The following CBARP variants were observed in gnomAD, a reference collection of about 807,000 sequenced individuals.
CBARP encodes voltage-dependent calcium channel beta subunit-associated regulatory protein.
CBARP carries 24 observed loss-of-function variants against 36.3 expected under a neutral mutation model. That is an observed-to-expected ratio of 0.66 (90% CI 0.48 to 0.93). The LOEUF is 0.93. Ranked by LOEUF, CBARP falls within the 40% of genes least tolerant of loss-of-function variation. The probability of loss-of-function intolerance (pLI) is 0.00; values close to 1 mark genes in which losing one functional copy is unlikely to be tolerated. For missense variants in CBARP, 1,146 were observed against 980.4 expected, an observed-to-expected ratio of 1.17 and a Z score of -2.26; for synonymous variants, 586 against 453.2, an observed-to-expected ratio of 1.29 and a Z score of -3.72.
At position 1,229,514 on chromosome 19, in the gene CBARP, C is replaced by T. The variant is rs2080862005; in HGVS notation, c.1783G>A (p.Ala595Thr). Residue 595 changes from alanine (A) to threonine (T), a missense_variant, in exon 10 of 10, where the codon GCC becomes ACC. Coordinates refer to ENST00000650044, the MANE Select transcript of CBARP (RefSeq NM_001393918.1). This position sits in a 1 kb window ranked among gnomAD's most constrained non-coding sequence, Gnocchi z 5.1. Reference sequence around the variant, plus strand: ...GCCGGGGTTCCGGCCAGGGCCGGGGCCGCGCGGGCGCCGGGGTCGCTGTGC... The same window carrying T: ...GCCGGGGTTCCGGCCAGGGCCGGGGTCGCGCGGGCGCCGGGGTCGCTGTGC... ...RQHSDPGARAAPALAGTPAPP... is the reference protein window; with the variant it reads ...RQHSDPGARATPALAGTPAPP... The T allele has an allele frequency of 1.0e-6, 1 of 979,250 alleles. No individual in the cohort carries two copies. The highest frequency in any genetic ancestry group is 1.2e-6 in the Non-Finnish European group (1 of 827,810). The allele number at this position is 979,250 out of a possible 1,614,324, so 60.7% of individuals were successfully genotyped here.
rs2080843828 is a variant in CBARP at position 1,228,312 on chromosome 19, A to G, written c.*867T>C. ...TGTGCGGTCAATATTTATATCATCC[A>G]GAAAAGAAAAACACGAGAAACGCCA... On this transcript the variant is annotated 3_prime_UTR_variant, in exon 10 of 10. Coordinates refer to ENST00000650044, the MANE Select transcript of CBARP (RefSeq NM_001393918.1). 3.8e-6 allele frequency: 1 copy of G among 264,382 alleles called. No individual in the cohort carries two copies. The highest frequency in any genetic ancestry group is 6.8e-6 in the Non-Finnish European group (1 of 146,938). The allele number at this position is 264,382 out of a possible 1,614,324, so 16.4% of individuals were successfully genotyped here.
chr19:1,228,627 G>A lies in CBARP; in HGVS notation c.*552C>T, dbSNP rs1283481955. 1.3e-5 allele frequency: 2 copies of A among 159,066 alleles called. No individual in the cohort carries two copies. The highest frequency in any genetic ancestry group is 2.8e-5 in the Non-Finnish European group (2 of 72,490). The allele number at this position is 159,066 out of a possible 1,614,324, so 9.9% of individuals were successfully genotyped here. A position where few individuals can be genotyped will look rare whatever the true frequency, so the allele number is the denominator to read the frequency against. On this transcript the variant is annotated 3_prime_UTR_variant, in exon 10 of 10. Coordinates refer to ENST00000650044, the MANE Select transcript of CBARP (RefSeq NM_001393918.1). ...CGGGCTGCCGCCAGCACACGCCGCAGTGAGGTAAACGGTCTCGGAGGTCGG... is the reference window on the plus strand; with the variant it reads ...CGGGCTGCCGCCAGCACACGCCGCAATGAGGTAAACGGTCTCGGAGGTCGG...
rs112249323 is a variant in CBARP at position 1,229,091 on chromosome 19, G to A, written c.*88C>T. ...CCGCGGTCCCCGCGCATTCGCGTCG[G>A]GGCGTCGCGCCCCCACGTCTCTCCC... On this transcript the variant is annotated 3_prime_UTR_variant, in exon 10 of 10. Coordinates refer to ENST00000650044, the MANE Select transcript of CBARP (RefSeq NM_001393918.1). The surrounding 1 kb of genome is among the most constrained non-coding windows in gnomAD (Gnocchi z 5.1). 1 of 409,908 alleles carries A rather than the reference G, an allele frequency of 2.4e-6. No homozygotes were observed. Among genetic ancestry groups the A allele is most frequent in the Non-Finnish European group, 3.3e-6 (1 of 302,492 alleles). 25.4% of individuals were successfully genotyped at this position (409,908 alleles called of 1,614,324 possible).
At chr19:1,232,484 C>T (rs977694730) in intron 8 of CBARP, among the ~76,000 whole-genome samples, 1 of 152,190 alleles carries the variant, frequency 6.6e-6, no homozygotes, top group Non-Finnish European at 1.5e-5. Flanking sequence ...GCAGAGCGGG[C>T]CCCAGCCCCT....
chr19:1,238,441 C>G (rs2081005698), upstream of CBARP: 1 of 152,732 alleles, frequency 6.5e-6, no homozygotes. Flanking sequence ...CCATGCCTCT[C>G]CTGCCCCCTC....
chr19:1,230,351 C>T (rs2080873870), intron 9 of CBARP: 6 of 986,792 alleles, frequency 6.1e-6, no homozygotes, highest in East Asian at 1.1e-4. Flanking sequence ...GCTTATTAAG[C>T]AGGGTGCCTC....
At chr19:1,234,470 G>T (rs529829090) in intron 6 of CBARP, 101 bp downstream of exon 6, 7 of 1,438,378 alleles carry the variant, frequency 4.9e-6, no homozygotes, top group Non-Finnish European at 6.4e-6. Flanking sequence ...CCCGAGATGA[G>T]GGCCACCCAG....
intron 8 of CBARP, among the ~76,000 whole-genome samples, chr19:1,232,276 C>A (rs1441243631): frequency 2.0e-5 from 3 of 152,244 alleles, no homozygotes; most frequent in African/African-American, 7.2e-5. Flanking sequence ...CCAGAGGAGG[C>A]CTTCCCCTCC....
Position 1,231,283 on chromosome 19 carries a change from C to A in CBARP, c.980-8G>T, listed in dbSNP as rs545836096. ...GGTGCCGCTTGGGGGAACCTGCGCA[C>A]GGGATGTGCCGTAAGCGTCAGCCGG... On this transcript the variant is annotated splice_region_variant and splice_polypyrimidine_tract_variant and intron_variant, in intron 8 of 9. Transcript: ENST00000650044. The A allele has an allele frequency of 6.3e-7, 1 of 1,597,946 alleles. No homozygotes were observed. The highest frequency in any genetic ancestry group is 8.5e-7 in the Non-Finnish European group (1 of 1,178,404).
rs2080855343 is a variant in CBARP at position 1,229,104 on chromosome 19, C to T, written c.*75G>A. On this transcript the variant is annotated 3_prime_UTR_variant, in exon 10 of 10. Transcript: ENST00000650044. The surrounding 1 kb of genome is among the most constrained non-coding windows in gnomAD (Gnocchi z 5.1). ...GCATTCGCGTCGGGGCGTCGCGCCCCCACGTCTCTCCCGCCGCCGAGGCCC... is the reference window on the plus strand; with the variant it reads ...GCATTCGCGTCGGGGCGTCGCGCCCTCACGTCTCTCCCGCCGCCGAGGCCC... 1 of 545,024 alleles carries T rather than the reference C, an allele frequency of 1.8e-6. No homozygotes were observed. Among genetic ancestry groups the T allele is most frequent in the Non-Finnish European group, 2.4e-6 (1 of 422,034 alleles). The allele number at this position is 545,024 out of a possible 1,614,324, so 33.8% of individuals were successfully genotyped here.
rs776464732 is a variant in CBARP at position 1,229,989 on chromosome 19, G to A, written c.1308C>T (p.Asp436=). 5 of 1,229,832 alleles carry A rather than the reference G, an allele frequency of 4.1e-6. No homozygotes were observed. The highest frequency in any genetic ancestry group is 2.9e-5 in the Admixed American group (1 of 34,702). The allele number at this position is 1,229,832 out of a possible 1,614,324, so 76.2% of individuals were successfully genotyped here. The change falls in exon 10 of 10, where the codon GAC becomes GAT. Residue 436 remains aspartate, a synonymous_variant. Transcript: ENST00000650044. This position sits in a 1 kb window ranked among gnomAD's most constrained non-coding sequence, Gnocchi z 5.1. ...CAAGCGAGGCGCGCAGGCTCCACAG[G>A]TCGCGGTAGCTGGTCTGGGCCTGCT... ...GPEQAQTSYR[D]LWSLRASLEL... is the part of the protein sequence containing the mutation.
At chr19:1,233,717 GAGAC>G in intron 7 of CBARP, 81 bp from the exon 8 acceptor site, 1 of 1,350,454 alleles carries the variant, frequency 7.4e-7, no homozygotes, top group Non-Finnish European at 1.0e-6. Context: ...GTAGGTCTGA[GAGAC>G]AGTCCCAAGG....
chr19:1,236,225 G>A (rs1439156806), intron 1 of CBARP, 104 bp from the exon 2 acceptor site: 9 of 1,335,228 alleles, frequency 6.7e-6, no homozygotes, highest in East Asian at 3.0e-5. Flanking sequence ...CCCACACAGG[G>A]GGCAGTGACT....
chr19:1,230,562 A>G, intron 9 of CBARP: 1 of 1,100,670 alleles, frequency 9.1e-7, no homozygotes. Flanking sequence ...AACCAGCAGG[A>G]GGACAGTGCA....
At position 1,234,342 on chromosome 19, in the gene CBARP, G is replaced by T; in HGVS notation, c.628-11C>A. 1 of 1,442,806 alleles carries T rather than the reference G, an allele frequency of 6.9e-7. No individual in the cohort carries two copies. Among genetic ancestry groups the T allele is most frequent in the Non-Finnish European group, 9.1e-7 (1 of 1,096,586 alleles). The allele number at this position is 1,442,806 out of a possible 1,614,324, so 89.4% of individuals were successfully genotyped here. ...GGCCTTCCCCGGGGGCTGTGGGACAGAGCCAGGTGGGGGAGGAAGCAGTGA... is the reference window on the plus strand; with the variant it reads ...GGCCTTCCCCGGGGGCTGTGGGACATAGCCAGGTGGGGGAGGAAGCAGTGA... On this transcript the variant is annotated splice_polypyrimidine_tract_variant and intron_variant, in intron 6 of 9. Transcript: ENST00000650044.
In CBARP at chr19:1,229,564, C is replaced by A; in HGVS notation, c.1733G>T (p.Arg578Leu). 9.4e-7 allele frequency: 1 copy of A among 1,069,472 alleles called. No homozygotes were observed. The allele number at this position is 1,069,472 out of a possible 1,614,324, so 66.2% of individuals were successfully genotyped here. The stretch of plus-strand genomic sequence containing the variant: ...CTGCCGGCCACGCTGCCACTGTTTG[C>A]GGGCGTGCGGGTGCGCGCGGGCGCG... ...RHRARAHPHA[R>L]KQWQRGRQHS... is the part of the protein sequence containing the mutation. The change falls in exon 10 of 10, where the codon CGC (arginine) becomes CTC (leucine). Residue 578 changes from arginine to leucine, a missense_variant. Arg to Leu is a moderately radical substitution (Grantham distance 102). Transcript: ENST00000650044. The surrounding 1 kb of genome is among the most constrained non-coding windows in gnomAD (Gnocchi z 5.1).
chr19:1,228,740 C>T lies in CBARP; in HGVS notation c.*439G>A, dbSNP rs1169196602. The T allele has an allele frequency of 6.8e-6, 1 of 147,230 alleles. No individual in the cohort carries two copies. The highest frequency in any genetic ancestry group is 1.5e-5 in the Non-Finnish European group (1 of 66,226). The allele number at this position is 147,230 out of a possible 1,614,324, so 9.1% of individuals were successfully genotyped here. On this transcript the variant is annotated 3_prime_UTR_variant, in exon 10 of 10. Transcript: ENST00000650044. ...CCCGCGGCCCCCGCCCGGGCGAGCT[C>T]GCGCACGCGCCCGGCACGCGGCGGC...
chr19:1,230,856 C>T (rs1024874901), intron 9 of CBARP: 2 of 1,497,084 alleles, frequency 1.3e-6, no homozygotes, highest in Non-Finnish European at 1.8e-6. Flanking sequence ...CAGCGCCATC[C>T]TCGGGGGGCC....
In CBARP at chr19:1,228,742, CGCACGCGCCCG is replaced by C. The variant is rs1391439552; in HGVS notation, c.*426_*436del. 3 of 147,126 alleles carry C rather than the reference CGCACGCGCCCG, an allele frequency of 2.0e-5. No individual in the cohort carries two copies. Among genetic ancestry groups the C allele is most frequent in the African/African-American group, 7.4e-5 (3 of 40,790 alleles). 9.1% of individuals were successfully genotyped at this position (147,126 alleles called of 1,614,324 possible). A position where few individuals can be genotyped will look rare whatever the true frequency, so the allele number is the denominator to read the frequency against. On this transcript the variant is annotated 3_prime_UTR_variant, in exon 10 of 10. Coordinates refer to ENST00000650044, the MANE Select transcript of CBARP (RefSeq NM_001393918.1). ...CGCGGCCCCCGCCCGGGCGAGCTCG[CGCACGCGCCCG>C]GCACGCGGCGGCTCCATCGGGCCCA...
Sources: gnomAD v4.1 joint callset for allele counts (sites outside exome capture counted in the v4.1 genomes callset) on GRCh38, gnomAD v4.1.1 for gene constraint, Gnocchi (gnomAD v3.1) non-coding constraint, MANE v1.5 for transcripts, NCBI Gene and HGNC (gene_info 2026-07-23, HGNC 2026-07-21) for gene names.